Variants in RIF1 observed in about 807,000 individuals in gnomAD.
The protein encoded by RIF1 is replication timing regulatory factor 1.
Under a neutral mutation model 247.1 loss-of-function variants are expected in RIF1, and 45 were observed. The observed-to-expected ratio is 0.18, with a 90% CI of 0.14 to 0.23. RIF1 has a LOEUF of 0.23. Among genes scored for constraint, RIF1 ranks in the 10% least tolerant of loss-of-function variants. The pLI, the probability that RIF1 is intolerant of heterozygous loss-of-function variation, is 1.00. For synonymous variants in RIF1, 1,087 were observed against 978.8 expected, an observed-to-expected ratio of 1.11 and a Z score of -2.06; for missense variants, 2,967 against 2,862.5, an observed-to-expected ratio of 1.04 and a Z score of -0.83.
chr2:151,501,547 T>TA (rs1013651230), intron 11 of RIF1: 6 of 877,488 alleles, frequency 6.8e-6, no homozygotes, highest in South Asian at 3.2e-5. Flanking sequence ...AGACTTAACC[T>TA]AAAAAAACAG....
downstream of RIF1, among the ~76,000 whole-genome samples, chr2:151,483,870 AG>A (rs1243879165): frequency 6.6e-6 from 1 of 152,200 alleles, no homozygotes; most frequent in Non-Finnish European, 1.5e-5. Context: ...GCTCCTTATG[AG>A]AACCTAACAC....
At chr2:151,456,281 G>C (rs1695186702) in intron 22 of RIF1, among the ~76,000 whole-genome samples, 1 of 152,144 alleles carries the variant, frequency 6.6e-6, no homozygotes, top group Non-Finnish European at 1.5e-5. Flanking sequence ...AAATCTTTAA[G>C]TCTATATTTC....
the RIF1 span, among the ~76,000 whole-genome samples, chr2:151,516,305 G>C: frequency 1.3e-5 from 2 of 152,138 alleles, no homozygotes; most frequent in African/African-American, 4.8e-5. Context: ...TGAACCATAG[G>C]ATTTCTGAGA....
Position 151,475,341 on chromosome 2 carries a change from CTAG to C in RIF1, c.*273_*275del. 5.2e-6 allele frequency: 2 copies of C among 381,928 alleles called. No homozygotes were observed. Among genetic ancestry groups the C allele is most frequent in the South Asian group, 2.9e-5 (1 of 34,752 alleles). 23.7% of individuals were successfully genotyped at this position (381,928 alleles called of 1,614,324 possible). ...ATCTTACTGAGATGTGAAAGCAAAACTAGTAACAGAACTTACATTTTATTTCAT... is the reference window on the plus strand; with the variant it reads ...ATCTTACTGAGATGTGAAAGCAAAACTAACAGAACTTACATTTTATTTCAT... On this transcript the variant is annotated 3_prime_UTR_variant, in exon 36 of 36. Coordinates refer to ENST00000444746, the MANE Select transcript of RIF1 (RefSeq NM_018151.5).
rs1360679124 is a variant in RIF1 at position 151,479,891 on chromosome 2, T to C, written c.*4820T>C. On this transcript the variant is annotated 3_prime_UTR_variant, in exon 36 of 36. Transcript: ENST00000444746. ...GTAAAACAAATTGGGTTTCGTGCTT[T>C]CTGATGTCCAGTTAATAAGTATATT... is the stretch of plus-strand genomic sequence containing the variant. The C allele has an allele frequency of 5.9e-5, 9 of 152,226 alleles. No homozygotes were observed. Among genetic ancestry groups the C allele is most frequent in the Admixed American group, 5.9e-4 (9 of 15,284 alleles). 9.4% of individuals were successfully genotyped at this position (152,226 alleles called of 1,614,324 possible).
chr2:151,410,490 C>G lies in RIF1; in HGVS notation c.67C>G (p.His23Asp). 1 of 1,614,046 alleles carries G rather than the reference C, an allele frequency of 6.2e-7. No homozygotes were observed. The highest frequency in any genetic ancestry group is 1.1e-5 in the South Asian group (1 of 91,032). ...LETLEDPSAS[H>D]GGQTDAYLTL... ...GACTTTGGAAGACCCTTCTGCCTCC[C>G]ATGGAGGGCAGACTGACGCTTACCT... Residue 23 changes from histidine (H) to aspartate (D), a missense_variant, in exon 2 of 36, where the codon CAT (histidine) becomes GAT (aspartate). By Grantham distance (81) the His-to-Asp change is moderately conservative (BLOSUM62 -1). Transcript: ENST00000444746.
chr2:151,501,349 A>ATTAT (rs1413997875), intron 11 of RIF1: 3 of 1,286,826 alleles, frequency 2.3e-6, no homozygotes, highest in South Asian at 2.6e-5. Flanking sequence ...TGTAGAAATT[A>ATTAT]TTATTTTTTA....
intron 12 of RIF1, 109 bp from the exon 13 acceptor site, chr2:151,437,128 CTTTT>C: frequency 2.5e-6 from 3 of 1,214,004 alleles, no homozygotes; most frequent in Non-Finnish European, 1.2e-6. Context: ...AAATATGAAT[CTTTT>C]TTTTATAGAA....
intron 6 of RIF1, among the ~76,000 whole-genome samples, chr2:151,419,306 TAGTC>T (rs1687763876): frequency 6.6e-6 from 1 of 152,070 alleles, no homozygotes. Context: ...ACCAGTAACT[TAGTC>T]ATTTATTTTT....
rs563928503 is a variant in RIF1, at chr2:151,441,443, A to G, written c.1648-462A>G. 5.9e-5 allele frequency among the ~76,000 whole-genome samples: 9 copies of G among 152,362 alleles called. 1 individual carries two copies. In the South Asian group the frequency reaches 1.9e-3, roughly 32 times the overall value. ...ATGGTTGAATAAATAATGGACATTCATATAGCAGTATTTTTATATATTGAT... is the reference window on the plus strand; with the variant it reads ...ATGGTTGAATAAATAATGGACATTCGTATAGCAGTATTTTTATATATTGAT... On this transcript the variant is annotated intron_variant, in intron 15 of 35. Transcript: ENST00000444746.
In RIF1 at chr2:151,433,600, G is replaced by A. The variant is rs527919715; in HGVS notation, c.1077+372G>A. 2.0e-5 allele frequency among the ~76,000 whole-genome samples: 3 copies of A among 152,044 alleles called. No individual in the cohort carries two copies. The East Asian group carries it at 5.9e-4, about 30-fold the overall frequency. On this transcript the variant is annotated intron_variant, in intron 10 of 35. Coordinates refer to ENST00000444746, the MANE Select transcript of RIF1 (RefSeq NM_018151.5). ...CTCCCGAGTAGCTGGGACTGCAGGC[G>A]CACGACCACACCTGGCTAATTTTTT...
the RIF1 span, among the ~76,000 whole-genome samples, chr2:151,513,122 C>T: frequency 3.3e-5 from 5 of 152,070 alleles, no homozygotes; most frequent in East Asian, 5.8e-4. Flanking sequence ...TGTTTACATA[C>T]GAGCTGGGAG....
the RIF1 span, chr2:151,516,432 T>A: frequency 2.1e-6 from 3 of 1,460,492 alleles, no homozygotes; most frequent in Non-Finnish European, 2.9e-6. Flanking sequence ...TGGATCATTG[T>A]TGTGTGGTGT....
intron 10 of RIF1, among the ~76,000 whole-genome samples, chr2:151,495,978 T>C (rs1196942797): frequency 6.6e-6 from 1 of 152,122 alleles, no homozygotes; most frequent in Admixed American, 6.6e-5. Context: ...TTCAAGCATA[T>C]CTAAAACAAA....
the RIF1 span, among the ~76,000 whole-genome samples, chr2:151,533,944 A>G: frequency 6.6e-6 from 1 of 152,208 alleles, no homozygotes; most frequent in Non-Finnish European, 1.5e-5. Flanking sequence ...TTACAGTTGC[A>G]GTTTTCAAAC....
chr2:151,433,057 T>A lies in RIF1; in HGVS notation c.926-20T>A. On this transcript the variant is annotated intron_variant, in intron 9 of 35. Coordinates refer to ENST00000444746, the MANE Select transcript of RIF1 (RefSeq NM_018151.5). ...TTTAGCTTGGACGTCTCTTTAACTG[T>A]GTGCTTATTTTCTTTTAAGATATAC... 2 of 1,597,552 alleles carry A rather than the reference T, an allele frequency of 1.3e-6. No individual in the cohort carries two copies. The highest frequency in any genetic ancestry group is 8.6e-7 in the Non-Finnish European group (1 of 1,168,664).
chr2:151,485,856 T>G (rs2152617856), downstream of RIF1: 2 of 1,614,038 alleles, frequency 1.2e-6, no homozygotes, highest in Non-Finnish European at 8.5e-7. Flanking sequence ...CTTGAACATT[T>G]ATGATGGCAT....
At chr2:151,528,660 C>G in the RIF1 span, among the ~76,000 whole-genome samples, 1 of 152,138 alleles carries the variant, frequency 6.6e-6, no homozygotes, top group Non-Finnish European at 1.5e-5. Context: ...CATTGTATAA[C>G]CATTTAATAT....
chr2:151,505,855 G>C (rs1242097521), intron 12 of RIF1: 1 of 532,316 alleles, frequency 1.9e-6, no homozygotes, highest in African/African-American at 1.9e-5. Flanking sequence ...TTTATGCCCA[G>C]CAGGTCGTTT....
Sources: allele counts gnomAD v4.1 joint callset (sites outside exome capture counted in the v4.1 genomes callset), GRCh38; gene constraint gnomAD v4.1.1; transcripts MANE v1.5; gene names NCBI Gene and HGNC (gene_info 2026-07-23, HGNC 2026-07-21).